Variants in CNTN5 observed in about 807,000 individuals in gnomAD.
CNTN5 encodes the protein contactin 5, also known as contactin-5.
A neutral mutation model predicts 129.1 loss-of-function variants in CNTN5; 77 were observed. The ratio of observed to expected loss-of-function variants is 0.60; its 90% CI spans 0.50 to 0.72. The LOEUF is 0.72. Ranked by LOEUF, CNTN5 falls within the 30% of genes least tolerant of loss-of-function variation. The pLI is 0.00. For synonymous variants in CNTN5, 509 were observed against 465.6 expected, an observed-to-expected ratio of 1.09 and a Z score of -1.20; for missense variants, 1,478 against 1,328.8, an observed-to-expected ratio of 1.11 and a Z score of -1.75.
At chr11:100,238,133 T>C (rs606363) in intron 16 of CNTN5, among the ~76,000 whole-genome samples, 75,460 of 151,894 alleles carry the variant, frequency 0.5, 20,902 homozygotes, top group East Asian at 0.7. Flanking sequence ...CTTGTATCTT[T>C]GCTGCAAATG....
intron 2 of CNTN5, among the ~76,000 whole-genome samples, chr11:99,519,480 A>G (rs1280021324): frequency 6.6e-6 from 1 of 152,108 alleles, no homozygotes; most frequent in Non-Finnish European, 1.5e-5. Flanking sequence ...TGTCTATCAC[A>G]TGGCAACAAA....
rs116818722 is a variant in CNTN5 at position 100,219,278 on chromosome 11, T to C, written c.1885-5414T>C. Among the ~76,000 whole-genome samples the C allele has an allele frequency of 2.9e-3, 444 of 152,292 alleles. 2 individuals carry two copies. The highest frequency in any genetic ancestry group is 0.01 in the African/African-American group (420 of 41,552). On this transcript the variant is annotated intron_variant, in intron 15 of 24. Coordinates refer to ENST00000524871, the MANE Select transcript of CNTN5 (RefSeq NM_014361.4). ...TCCACAAATCTTAGCACAGCACAAATGAATACCTTTTGTAATTAGTAATAT... is the reference window on the plus strand; with the variant it reads ...TCCACAAATCTTAGCACAGCACAAACGAATACCTTTTGTAATTAGTAATAT...
At chr11:99,223,146 C>A (rs1225217788) in intron 1 of CNTN5, among the ~76,000 whole-genome samples, 4 of 152,128 alleles carry the variant, frequency 2.6e-5, no homozygotes, top group Admixed American at 2.6e-4. Context: ...GCCCTCTCTG[C>A]CCACACACTT....
chr11:99,358,263 T>TTTTC, intron 2 of CNTN5, among the ~76,000 whole-genome samples: 1 of 106,838 alleles, frequency 9.4e-6, no homozygotes, highest in Admixed American at 9.5e-5. Flanking sequence ...TGATTTTTTT[T>TTTTC]TTTTTTTTTT....
intron 1 of CNTN5, among the ~76,000 whole-genome samples, chr11:99,146,606 G>A (rs534517406): frequency 1.4e-4 from 22 of 152,160 alleles, no homozygotes; most frequent in African/African-American, 5.3e-4. Context: ...AATCCTTGTT[G>A]ATGAACATTT....
intron 6 of CNTN5, among the ~76,000 whole-genome samples, chr11:99,910,353 C>G: frequency 6.6e-6 from 1 of 152,110 alleles, no homozygotes; most frequent in South Asian, 2.1e-4. Context: ...TATTAAGAAT[C>G]TTATTTGCTC....
rs368466496 is a variant in CNTN5, at chr11:99,477,157, A to G, written c.-70-78988A>G. Among the ~76,000 whole-genome samples the G allele has an allele frequency of 2.6e-5, 4 of 152,114 alleles. No individual in the cohort carries two copies. The South Asian group carries it at 8.3e-4, about 32-fold the overall frequency. Reference sequence around the variant, plus strand: ...ATCCTTAAATGAATATATAATTAAGATATAAATTGAAGAAGCATACAGTTT... The same window carrying G: ...ATCCTTAAATGAATATATAATTAAGGTATAAATTGAAGAAGCATACAGTTT... On this transcript the variant is annotated intron_variant, in intron 2 of 24. Transcript: ENST00000524871.
chr11:100,072,774 C>T (rs1943972415), intron 12 of CNTN5, among the ~76,000 whole-genome samples: 1 of 151,876 alleles, frequency 6.6e-6, no homozygotes. Context: ...ACAACAAATC[C>T]ATCCAAAATA....
At chr11:99,030,780 C>CTT (rs71305325) in intron 1 of CNTN5, among the ~76,000 whole-genome samples, 2,287 of 120,188 alleles carry the variant, frequency 0.019, 162 homozygotes, top group African/African-American at 0.061. Context: ...TGCTAACTCT[C>CTT]TTTTTTTTTT....
intron 1 of CNTN5, among the ~76,000 whole-genome samples, chr11:99,237,227 G>T (rs1861317702): frequency 6.6e-6 from 1 of 151,950 alleles, no homozygotes; most frequent in African/African-American, 2.4e-5. Flanking sequence ...CTGTTGGCAT[G>T]ATTAAAATTG....
intron 4 of CNTN5, among the ~76,000 whole-genome samples, chr11:99,824,831 G>A (rs1946904414): frequency 6.6e-6 from 1 of 151,922 alleles, no homozygotes. Context: ...CCACTGATTT[G>A]TGAAACCACT....
At chr11:99,957,669 C>G (rs564972875) in intron 8 of CNTN5, among the ~76,000 whole-genome samples, 2 of 151,952 alleles carry the variant, frequency 1.3e-5, no homozygotes, top group African/African-American at 4.8e-5. Flanking sequence ...TGTCATGCAG[C>G]AAAAAATCTA....
At chr11:99,448,699 G>T (rs570776628) in intron 2 of CNTN5, among the ~76,000 whole-genome samples, 2 of 150,750 alleles carry the variant, frequency 1.3e-5, no homozygotes, top group African/African-American at 4.9e-5. Flanking sequence ...GGCTCAAAAA[G>T]TTGCATAATT....
intron 3 of CNTN5, among the ~76,000 whole-genome samples, chr11:99,729,100 G>T (rs933734404): frequency 2.0e-5 from 3 of 152,128 alleles, no homozygotes; most frequent in Admixed American, 2.0e-4. Flanking sequence ...AATCTCTATT[G>T]CAGTAGAAAG....
intron 17 of CNTN5, among the ~76,000 whole-genome samples, chr11:100,269,208 G>A (rs376865310): frequency 1.3e-5 from 2 of 152,332 alleles, no homozygotes; most frequent in East Asian, 3.9e-4. Flanking sequence ...CAAGTGAGAT[G>A]AGTAATAGAG....
chr11:99,427,590 C>A, intron 2 of CNTN5, among the ~76,000 whole-genome samples: 1 of 151,526 alleles, frequency 6.6e-6, no homozygotes, highest in Admixed American at 6.6e-5. Context: ...CACGGTAAAA[C>A]CCTGTCTCTA....
At chr11:99,995,761 T>C (rs977451080) in intron 8 of CNTN5, among the ~76,000 whole-genome samples, 2 of 152,108 alleles carry the variant, frequency 1.3e-5, no homozygotes, top group African/African-American at 4.8e-5. Flanking sequence ...ATTTTACACA[T>C]AGGGGGCTTC....
At chr11:100,149,148 CTG>C in intron 13 of CNTN5, among the ~76,000 whole-genome samples, 1 of 152,298 alleles carries the variant, frequency 6.6e-6, no homozygotes, top group South Asian at 2.1e-4. Flanking sequence ...GCATATTACT[CTG>C]TGAAGCATCA....
chr11:100,054,061 A>G (rs561853023), intron 9 of CNTN5, among the ~76,000 whole-genome samples: 20 of 151,766 alleles, frequency 1.3e-4, no homozygotes, highest in Admixed American at 4.6e-4. Context: ...GACATGGGTG[A>G]AATAATTGGG....
Sources: gnomAD v4.1 joint callset for allele counts (sites outside exome capture counted in the v4.1 genomes callset) on GRCh38, gnomAD v4.1.1 for gene constraint, MANE v1.5 for transcripts, NCBI Gene and HGNC (gene_info 2026-07-23, HGNC 2026-07-21) for gene names.